RIMS2: variants seen among roughly 807,000 people sequenced by gnomAD.
RIMS2 encodes regulating synaptic membrane exocytosis protein 2.
A neutral mutation model predicts 174.4 loss-of-function variants in RIMS2; 59 were observed. The observed-to-expected ratio is 0.34, with a 90% CI of 0.27 to 0.42. The LOEUF is 0.42. RIMS2 is among the 10% of genes least tolerant of loss of function. The probability of loss-of-function intolerance (pLI) is 1.00; values close to 1 mark genes in which losing one functional copy is unlikely to be tolerated. For missense variants in RIMS2, 1,620 were observed against 1,666.3 expected (o/e 0.97, Z 0.48); for synonymous variants, 606 against 572.5 (o/e 1.06, Z -0.84).
chr8:104,070,801 A>G (rs940578249), intron 19 of RIMS2, among the ~76,000 whole-genome samples: 4 of 152,200 alleles, frequency 2.6e-5, no homozygotes, highest in African/African-American at 9.7e-5. Flanking sequence ...TTGTCAGTGA[A>G]GAAAAGATCA....
In RIMS2 at chr8:103,912,038, G is replaced by C. The variant is rs1182363222; in HGVS notation, c.1693-15G>C. ...TTTGTATTTATTTATTTTGTTTGTT[G>C]ATGCAAAATGTCAGCACCCTGTAAC... On this transcript the variant is annotated splice_polypyrimidine_tract_variant and intron_variant, in intron 5 of 23. Transcript: ENST00000504942. 3 of 1,518,566 alleles carry C rather than the reference G, an allele frequency of 2.0e-6. No individual in the cohort carries two copies. In the Admixed American group the frequency reaches 6.0e-5, roughly 30 times the overall value. The allele number at this position is 1,518,566 out of a possible 1,614,324, so 94.1% of individuals were successfully genotyped here.
intron 3 of RIMS2, among the ~76,000 whole-genome samples, chr8:103,811,632 G>A (rs911245727): frequency 2.0e-5 from 3 of 152,034 alleles, no homozygotes; most frequent in African/African-American, 7.2e-5. Flanking sequence ...TTTTAATAGA[G>A]ACGGGGTTTC....
At chr8:103,803,987 A>C (rs1227479375) in intron 3 of RIMS2, among the ~76,000 whole-genome samples, 1 of 152,194 alleles carries the variant, frequency 6.6e-6, no homozygotes, top group Non-Finnish European at 1.5e-5. Context: ...AGGATCATTT[A>C]AACCATACTT....
At chr8:104,066,656 C>A (rs2097110708) in intron 19 of RIMS2, among the ~76,000 whole-genome samples, 1 of 152,120 alleles carries the variant, frequency 6.6e-6, no homozygotes, top group African/African-American at 2.4e-5. Flanking sequence ...TTCACATTTA[C>A]ATCATGGAGG....
At chr8:103,953,938 A>AG (rs2086269298) in intron 14 of RIMS2, among the ~76,000 whole-genome samples, 1 of 152,250 alleles carries the variant, frequency 6.6e-6, no homozygotes, top group East Asian at 1.9e-4. Flanking sequence ...GCAAAAAAAA[A>AG]GCAGGGGTTG....
intron 3 of RIMS2, among the ~76,000 whole-genome samples, chr8:103,834,477 T>C (rs1455529525): frequency 3.3e-5 from 5 of 151,578 alleles, no homozygotes; most frequent in Admixed American, 6.6e-5. Context: ...ACTGGGATTG[T>C]AGGGGGCATG....
intron 1 of RIMS2, among the ~76,000 whole-genome samples, chr8:103,564,520 A>T (rs138518835): frequency 6.6e-6 from 1 of 152,326 alleles, no homozygotes; most frequent in East Asian, 1.9e-4. Context: ...GGAGGCTGAC[A>T]GTGCAGCCTT....
chr8:104,176,536 TA>T (rs1217948949), intron 19 of RIMS2, among the ~76,000 whole-genome samples: 14 of 152,200 alleles, frequency 9.2e-5, no homozygotes, highest in African/African-American at 3.4e-4. Flanking sequence ...TGTGAAGTTA[TA>T]GTAACCATAG....
At chr8:104,083,721 G>A (rs1167869695) in intron 19 of RIMS2, among the ~76,000 whole-genome samples, 1 of 152,082 alleles carries the variant, frequency 6.6e-6, no homozygotes, top group East Asian at 1.9e-4. Flanking sequence ...ACCCTCTGGG[G>A]CTTGGATAGA....
chr8:103,960,964 C>G, intron 14 of RIMS2, 101 bp from the exon 17 acceptor site: 1 of 730,250 alleles, frequency 1.4e-6, no homozygotes, highest in African/African-American at 1.8e-5. Flanking sequence ...TTGTTATTAA[C>G]TGATTCACTC....
At chr8:103,773,612 C>A (rs1422617460) in intron 3 of RIMS2, among the ~76,000 whole-genome samples, 3 of 152,044 alleles carry the variant, frequency 2.0e-5, no homozygotes, top group Non-Finnish European at 2.9e-5. Flanking sequence ...ACCTGTAATC[C>A]CAGCTACTCA....
intron 19 of RIMS2, among the ~76,000 whole-genome samples, chr8:104,190,705 A>G (rs551834239): frequency 2.0e-5 from 3 of 152,194 alleles, no homozygotes; most frequent in Non-Finnish European, 4.4e-5. Flanking sequence ...CCCTATAGAT[A>G]TGAGAGCATG....
intron 19 of RIMS2, chr8:104,223,430 T>A: frequency 1.5e-6 from 2 of 1,301,918 alleles, no homozygotes; most frequent in Middle Eastern, 2.9e-4. Context: ...ACCGCCTCCA[T>A]CTCCTCCTCT....
chr8:104,235,983 CA>C lies in RIMS2; in HGVS notation c.3335-8932del, dbSNP rs200101669. 4.1e-4 allele frequency among the ~76,000 whole-genome samples: 63 copies of C among 151,996 alleles called. No homozygotes were observed. The East Asian group carries it at 0.012, about 28-fold the overall frequency. Reference sequence around the variant, plus strand: ...TTTGGTTGTTACGCATAATCTAAAACAGTACTTTCCCTTTTGTTTTTCATGA... The same window carrying C: ...TTTGGTTGTTACGCATAATCTAAAACGTACTTTCCCTTTTGTTTTTCATGA... On this transcript the variant is annotated intron_variant, in intron 19 of 23. Coordinates refer to ENST00000504942, the Ensembl canonical transcript of RIMS2.
In RIMS2 at chr8:103,572,249, C is replaced by T. The variant is rs189657659; in HGVS notation, c.176+71187C>T. On this transcript the variant is annotated intron_variant, in intron 1 of 23. Transcript: ENST00000504942. Reference sequence around the variant, plus strand: ...CAGCAGTAAGATTTATTGTGAAGAGCGAAAGAACAAAGCTTCCACAGCATG... The same window carrying T: ...CAGCAGTAAGATTTATTGTGAAGAGTGAAAGAACAAAGCTTCCACAGCATG... 1.6e-3 allele frequency among the ~76,000 whole-genome samples: 245 copies of T among 152,216 alleles called. 2 individuals carry two copies. The highest frequency in any genetic ancestry group is 5.2e-3 in the African/African-American group (217 of 41,518).
At chr8:103,598,374 C>A (rs188164810) in intron 1 of RIMS2, among the ~76,000 whole-genome samples, 1 of 152,220 alleles carries the variant, frequency 6.6e-6, no homozygotes, top group East Asian at 1.9e-4. Context: ...AATGAATAGG[C>A]TGAGAGACTA....
chr8:104,059,032 G>C (rs1222895826), intron 19 of RIMS2, among the ~76,000 whole-genome samples: 1 of 151,520 alleles, frequency 6.6e-6, no homozygotes, highest in Non-Finnish European at 1.5e-5. Flanking sequence ...TTTTGGCTTA[G>C]GATTGACTTG....
intron 1 of RIMS2, among the ~76,000 whole-genome samples, chr8:103,569,242 C>T (rs190418105): frequency 3.4e-4 from 52 of 152,178 alleles, no homozygotes; most frequent in Admixed American, 2.0e-3. Flanking sequence ...ACTTCATTCT[C>T]TTGTATATGG....
At chr8:103,570,707 T>C (rs1277328272) in intron 1 of RIMS2, among the ~76,000 whole-genome samples, 1 of 152,172 alleles carries the variant, frequency 6.6e-6, no homozygotes, top group Non-Finnish European at 1.5e-5. Context: ...CCTGCAAATC[T>C]TAAAGATAGC....
Sources: allele counts gnomAD v4.1 joint callset (sites outside exome capture counted in the v4.1 genomes callset), GRCh38; gene constraint gnomAD v4.1.1; transcripts MANE v1.5; gene names NCBI Gene and HGNC (gene_info 2026-07-23, HGNC 2026-07-21).